TRIM10: variants seen among roughly 807,000 people sequenced by gnomAD.
TRIM10 encodes the protein tripartite motif-containing protein 10.
TRIM10 carries 42 observed loss-of-function variants against 40.0 expected under a neutral mutation model. The observed-to-expected ratio is 1.05, with a 90% CI of 0.82 to 1.36. The LOEUF (loss-of-function observed/expected upper bound fraction) is 1.36. Ranked by LOEUF, TRIM10 falls within the 40% of genes most tolerant of loss-of-function variation. TRIM10 has a pLI of 0.00. For missense variants in TRIM10, 601 were observed against 608.3 expected, an observed-to-expected ratio of 0.99 and a Z score of 0.13; for synonymous variants, 260 against 239.5, an observed-to-expected ratio of 1.09 and a Z score of -0.79.
At position 30,156,921 on chromosome 6, in the gene TRIM10, G is replaced by A; in HGVS notation, c.895+18C>T. On this transcript the variant is annotated intron_variant, in intron 5 of 6. Transcript: ENST00000449742. ...TTCATGGCCACCTGCGCTCTGTGGA[G>A]GCCTGGGGTTCTCTTACCCAGAAAC... is the stretch of plus-strand genomic sequence containing the variant. 3 of 1,609,618 alleles carry A rather than the reference G, an allele frequency of 1.9e-6. No individual in the cohort carries two copies. The highest frequency in any genetic ancestry group is 2.5e-6 in the Non-Finnish European group (3 of 1,176,974).
In TRIM10 at chr6:30,160,439, A is replaced by G; in HGVS notation, c.420T>C (p.Ala140=). ...AGTTCCCCTTTCCTACCCTATAGGGAGCCGCTGCATCCTCCAGGAAGCGCA... is the reference window on the plus strand; with the variant it reads ...AGTTCCCCTTTCCTACCCTATAGGGGGCCGCTGCATCCTCCAGGAAGCGCA... The part of the protein sequence containing the change: ...HTMRFLEDAA[A]PYREQIHKCL... Residue 140 remains alanine (A), a synonymous_variant, in exon 1 of 7, where the codon GCT becomes GCC. Transcript: ENST00000449742. 1.2e-6 allele frequency: 2 copies of G among 1,613,618 alleles called. No homozygotes were observed. The highest frequency in any genetic ancestry group is 1.7e-6 in the Non-Finnish European group (2 of 1,179,778).
upstream of TRIM10, among the ~76,000 whole-genome samples, chr6:30,162,788 T>C (rs1773224751): frequency 6.6e-6 from 1 of 152,116 alleles, no homozygotes. Flanking sequence ...GCCTAGAGGG[T>C]TATTAAAATT....
chr6:30,155,749 G>A lies in TRIM10; in HGVS notation c.906C>T (p.Cys302=), dbSNP rs373475134. 3 of 1,613,134 alleles carry A rather than the reference G, an allele frequency of 1.9e-6. No homozygotes were observed. Among genetic ancestry groups the A allele is most frequent in the Admixed American group, 1.7e-5 (1 of 60,008 alleles). ...REMKMFLEKL[C]FELDYEPAHI... ...TACCTGGCTCATAGTCCAACTCAAA[G>A]CATAGTTTTTCTGTAAAGAAAATAA... Residue 302 remains cysteine, a synonymous_variant, in exon 6 of 7, where the codon TGC becomes TGT. Transcript: ENST00000449742.
Position 30,156,472 on chromosome 6 carries a change from G to A in TRIM10, c.895+467C>T, listed in dbSNP as rs1283849956. On this transcript the variant is annotated intron_variant, in intron 5 of 6. Coordinates refer to ENST00000449742, the MANE Select transcript of TRIM10 (RefSeq NM_006778.4). The stretch of plus-strand genomic sequence containing the variant: ...AGTGGAGCACAGTCCCCGTAGGACC[G>A]TCTAACTCTGAGCCAGACTAACAGA... Among the ~76,000 whole-genome samples, 6 of 152,056 alleles carry A rather than the reference G, an allele frequency of 3.9e-5. No individual in the cohort carries two copies. In the South Asian group the frequency reaches 6.3e-4, roughly 16 times the overall value.
upstream of TRIM10, among the ~76,000 whole-genome samples, chr6:30,161,345 C>G (rs1414899186): frequency 6.6e-6 from 1 of 152,142 alleles, no homozygotes; most frequent in African/African-American, 2.4e-5. Context: ...CATCAGCAAG[C>G]AGGAGAGTGT....
intron 2 of TRIM10, 80 bp downstream of exon 2, chr6:30,159,070 A>G: frequency 1.1e-6 from 1 of 927,858 alleles, no homozygotes; most frequent in East Asian, 2.4e-5. Context: ...TCAAAGCCCT[A>G]TAATCTATGT....
Position 30,153,641 on chromosome 6 carries a change from G to T in TRIM10, c.*328C>A. On this transcript the variant is annotated 3_prime_UTR_variant, in exon 7 of 7. Transcript: ENST00000449742. ...TTAAAGTCATACAACTGGTTGACAG[G>T]CTGGTTCAAGAACCCAGGTCTTCTG... 1 of 1,525,118 alleles carries T rather than the reference G, an allele frequency of 6.6e-7. No homozygotes were observed. Among genetic ancestry groups the T allele is most frequent in the South Asian group, 1.2e-5 (1 of 86,066 alleles). The allele number at this position is 1,525,118 out of a possible 1,614,324, so 94.5% of individuals were successfully genotyped here.
intron 6 of TRIM10, 84 bp from the exon 7 acceptor site, chr6:30,154,570 C>T (rs1158559152): frequency 1.1e-5 from 17 of 1,543,866 alleles, no homozygotes; most frequent in Admixed American, 1.0e-4. Context: ...CTGGGCCCCT[C>T]CTGTTAGTGT....
At chr6:30,158,372 G>A (rs374424680) in intron 3 of TRIM10, 27 bp downstream of exon 3, 1 of 1,584,416 alleles carries the variant, frequency 6.3e-7, no homozygotes, top group Non-Finnish European at 8.7e-7. Context: ...CAGCACAGGT[G>A]GGGCAGGGTT....
chr6:30,154,966 T>C (rs972518680), intron 6 of TRIM10, among the ~76,000 whole-genome samples: 2 of 152,186 alleles, frequency 1.3e-5, no homozygotes, highest in Non-Finnish European at 2.9e-5. Context: ...ATTTACAGTC[T>C]TCCCTCCTGG....
At chr6:30,162,693 T>C (rs937531950), upstream of TRIM10, among the ~76,000 whole-genome samples, 1 of 152,186 alleles carries the variant, frequency 6.6e-6, no homozygotes, top group Non-Finnish European at 1.5e-5. Flanking sequence ...TGATACTTTC[T>C]AGCTTTGTGA....
chr6:30,163,343 T>C, upstream of TRIM10: 1 of 351,776 alleles, frequency 2.8e-6, no homozygotes, highest in East Asian at 4.9e-5. Flanking sequence ...CCCTGTGACC[T>C]CATGGTGTGC....
intron 5 of TRIM10, 45 bp downstream of exon 5, chr6:30,156,894 G>C: frequency 1.9e-6 from 3 of 1,573,060 alleles, no homozygotes; most frequent in Non-Finnish European, 2.6e-6. Flanking sequence ...CTAAACCCAG[G>C]CTTCATGGCC....
chr6:30,163,876 G>T, upstream of TRIM10: 1 of 1,613,084 alleles, frequency 6.2e-7, no homozygotes, highest in Non-Finnish European at 8.5e-7. Flanking sequence ...AAGAGGAGGA[G>T]CAGGCAGAGA....
intron 6 of TRIM10, chr6:30,154,796 G>T: frequency 3.0e-6 from 2 of 659,088 alleles, no homozygotes; most frequent in East Asian, 6.0e-5. Flanking sequence ...ACCGCAAGTT[G>T]GCTGGTTTCC....
At position 30,160,501 on chromosome 6, in the gene TRIM10, C is replaced by G; in HGVS notation, c.358G>C (p.Val120Leu). The G allele has an allele frequency of 1.2e-6, 2 of 1,614,224 alleles. No individual in the cohort carries two copies. Among genetic ancestry groups the G allele is most frequent in the Non-Finnish European group, 8.5e-7 (1 of 1,180,040 alleles). Residue 120 changes from valine (V) to leucine (L), a missense_variant, in exon 1 of 7, where the codon GTG (valine) becomes CTG (leucine). Coordinates refer to ENST00000449742, the MANE Select transcript of TRIM10 (RefSeq NM_006778.4). ...GCGTGCTCCCCAGCCTCCCGGCACA[C>G]CACGCACAACTGCATCTCATCATCC... is the stretch of plus-strand genomic sequence containing the variant. ...CEDDEMQLCV[V>L]CREAGEHATH...
chr6:30,159,295 G>T (rs748522799), intron 1 of TRIM10, 50 bp from the exon 2 acceptor site: 2 of 1,365,578 alleles, frequency 1.5e-6, no homozygotes, highest in South Asian at 2.4e-5. Flanking sequence ...ATTTGTTCAG[G>T]TTTGTCTGGT....
chr6:30,163,819 G>T, upstream of TRIM10: 1 of 1,613,044 alleles, frequency 6.2e-7, no homozygotes, highest in Non-Finnish European at 8.5e-7. Flanking sequence ...CGCTCTCCCA[G>T]ATGGGGGCCC....
chr6:30,155,515 G>GAC (rs3834325), intron 6 of TRIM10, among the ~76,000 whole-genome samples: 8,291 of 150,282 alleles, frequency 0.055, 320 homozygotes, highest in Admixed American at 0.11. Context: ...CAAACAATGT[G>GAC]ACACACACAC....
Sources: gnomAD v4.1 joint callset for allele counts (sites outside exome capture counted in the v4.1 genomes callset) on GRCh38, gnomAD v4.1.1 for gene constraint, MANE v1.5 for transcripts, NCBI Gene and HGNC (gene_info 2026-07-23, HGNC 2026-07-21) for gene names.